AFP: variants seen among roughly 807,000 people sequenced by gnomAD.
AFP encodes alpha-fetoprotein.
AFP carries 64 observed loss-of-function variants against 78.9 expected under a neutral mutation model. That is an observed-to-expected ratio of 0.81 (90% CI 0.66 to 1.00). The LOEUF is 1.00. Ranked by LOEUF, AFP falls within the 50% of genes least tolerant of loss-of-function variation. The pLI is 0.00. For synonymous variants in AFP, 254 were observed against 243.8 expected (o/e 1.04, Z -0.39); for missense variants, 689 against 703.8 (o/e 0.98, Z 0.24).
chr4:73,436,493 A>G lies in AFP; in HGVS notation c.85+146A>G, dbSNP rs968536862. The G allele has an allele frequency of 7.0e-6, 4 of 569,452 alleles. No homozygotes were observed. In the African/African-American group the frequency reaches 7.6e-5, roughly 11 times the overall value. 35.3% of individuals were successfully genotyped at this position (569,452 alleles called of 1,614,324 possible). A position where few individuals can be genotyped will look rare whatever the true frequency, so the allele number is the denominator to read the frequency against. ...TTTAACTGATGGATATATTTAAATG[A>G]AAGATAAACTTGTAACTTTACAAGA... On this transcript the variant is annotated intron_variant, in intron 1 of 14. Coordinates refer to ENST00000395792, the MANE Select transcript of AFP (RefSeq NM_001134.3).
chr4:73,455,398 G>A (rs1720128564), intron 14 of AFP, 108 bp downstream of exon 14: 1 of 958,412 alleles, frequency 1.0e-6, no homozygotes, highest in Non-Finnish European at 1.6e-6. Flanking sequence ...AAAAATACAT[G>A]GAATTCAAAA....
At chr4:73,440,542 CTT>C in intron 3 of AFP, 58 bp from the exon 4 acceptor site, 2 of 1,354,670 alleles carry the variant, frequency 1.5e-6, no homozygotes, top group South Asian at 2.4e-5. Flanking sequence ...TTTCATGTGT[CTT>C]ATAGATTTTT....
Position 73,450,700 on chromosome 4 carries a change from G to A in AFP, c.1375G>A (p.Ala459Thr). ...AITRKMAATAATCCQLSEDKL... is the reference protein window; with the variant it reads ...AITRKMAATATTCCQLSEDKL... ...CACCAGAAAAATGGCAGCCACAGCA[G>A]CCACTTGTTGCCAACTCAGTGAGGA... Residue 459 changes from alanine (A) to threonine (T), a missense_variant, in exon 11 of 15, where the codon GCC becomes ACC. Coordinates refer to ENST00000395792, the MANE Select transcript of AFP (RefSeq NM_001134.3). 1 of 1,614,200 alleles carries A rather than the reference G, an allele frequency of 6.2e-7. No individual in the cohort carries two copies. The highest frequency in any genetic ancestry group is 2.2e-5 in the East Asian group (1 of 44,886).
In AFP at chr4:73,452,476, ACTT is replaced by A; in HGVS notation, c.1509_1511del (p.Ser504del). 3 of 1,614,060 alleles carry A rather than the reference ACTT, an allele frequency of 1.9e-6. No individual in the cohort carries two copies. Among genetic ancestry groups the A allele is most frequent in the Non-Finnish European group, 1.7e-6 (2 of 1,179,974 alleles). The stretch of plus-strand genomic sequence containing the variant: ...AAACCCTGGTGTTGGCCAGTGCTGC[ACTT>A]CTTCATATGCCAACAGGAGGCCATG... On this transcript the variant is annotated inframe_deletion, in exon 12 of 15. Coordinates refer to ENST00000395792, the MANE Select transcript of AFP (RefSeq NM_001134.3).
At position 73,450,708 on chromosome 4, in the gene AFP, T is replaced by C; in HGVS notation, c.1383T>C (p.Cys461=). The change falls in exon 11 of 15, where the codon TGT becomes TGC. Residue 461 remains cysteine, a synonymous_variant. Coordinates refer to ENST00000395792, the MANE Select transcript of AFP (RefSeq NM_001134.3). ...TRKMAATAAT[C]CQLSEDKLLA... ...AAATGGCAGCCACAGCAGCCACTTG[T>C]TGCCAACTCAGTGAGGACAAACTAT... The C allele has an allele frequency of 3.1e-6, 5 of 1,614,208 alleles. No homozygotes were observed. The highest frequency in any genetic ancestry group is 4.2e-6 in the Non-Finnish European group (5 of 1,180,010).
rs750349677 is a variant in AFP at position 73,455,224 on chromosome 4, CTTAA to C, written c.1786-9_1786-6del. ...ATTTCTTTATCTGATTATGTTTATT[CTTAA>C]TTTTCAGGGACAAAAACTGATTTCA... is the stretch of plus-strand genomic sequence containing the variant. On this transcript the variant is annotated splice_polypyrimidine_tract_variant and splice_region_variant and intron_variant, in intron 13 of 14. Transcript: ENST00000395792. 3.7e-6 allele frequency: 6 copies of C among 1,603,008 alleles called. No individual in the cohort carries two copies. In the African/African-American group the frequency reaches 8.0e-5, roughly 21 times the overall value.
chr4:73,437,130 A>T (rs1409554841), intron 1 of AFP, 30 bp from the exon 2 acceptor site: 6 of 1,568,134 alleles, frequency 3.8e-6, no homozygotes, highest in Non-Finnish European at 5.3e-6. Context: ...AGTTGAAAAC[A>T]CGTTTCATGA....
chr4:73,444,852 CAT>C lies in AFP; in HGVS notation c.714-140_714-139del, dbSNP rs984705819. On this transcript the variant is annotated intron_variant, in intron 6 of 14. Coordinates refer to ENST00000395792, the MANE Select transcript of AFP (RefSeq NM_001134.3). Reference sequence around the variant, plus strand: ...ATATGGCTGGAATCAAGCCTTAAAACATGTTTCCTTTTCTTTTTAAACAACAA... The same window carrying C: ...ATATGGCTGGAATCAAGCCTTAAAACGTTTCCTTTTCTTTTTAAACAACAA... 1.1e-5 allele frequency: 8 copies of C among 756,414 alleles called. No homozygotes were observed. In the African/African-American group the frequency reaches 1.1e-4, roughly 10 times the overall value. The allele number at this position is 756,414 out of a possible 1,614,324, so 46.9% of individuals were successfully genotyped here.
chr4:73,444,208 A>G (rs1460749168), intron 6 of AFP, among the ~76,000 whole-genome samples: 1 of 152,118 alleles, frequency 6.6e-6, no homozygotes, highest in Non-Finnish European at 1.5e-5. Flanking sequence ...TGCCTTAACT[A>G]CCCTCCAACT....
At chr4:73,448,712 G>C (rs961055278) in intron 8 of AFP, among the ~76,000 whole-genome samples, 6 of 152,078 alleles carry the variant, frequency 3.9e-5, no homozygotes, top group African/African-American at 1.4e-4. Context: ...AGTTGCAAAG[G>C]TTCTTTGCAG....
intron 6 of AFP, among the ~76,000 whole-genome samples, chr4:73,444,671 A>C (rs1203552246): frequency 1.3e-5 from 2 of 152,272 alleles, no homozygotes; most frequent in Non-Finnish European, 2.9e-5. Context: ...TTATCCTTTT[A>C]AAGTTTTATG....
At chr4:73,445,164 T>C in intron 7 of AFP, 42 bp downstream of exon 7, 1 of 1,608,082 alleles carries the variant, frequency 6.2e-7, no homozygotes, top group Non-Finnish European at 8.5e-7. Flanking sequence ...TTTCACTCCC[T>C]TTTCTTTCTT....
In AFP at chr4:73,437,308, C is replaced by T. The variant is rs985354267; in HGVS notation, c.137+97C>T. Reference sequence around the variant, plus strand: ...GTACCCCTGTGAGCTCTTAAAAGCACAAAAGCAATTTGGACAATTTCAAGA... The same window carrying T: ...GTACCCCTGTGAGCTCTTAAAAGCATAAAAGCAATTTGGACAATTTCAAGA... On this transcript the variant is annotated intron_variant, in intron 2 of 14. Coordinates refer to ENST00000395792, the MANE Select transcript of AFP (RefSeq NM_001134.3). The T allele has an allele frequency of 4.2e-6, 4 of 954,958 alleles. No individual in the cohort carries two copies. In the African/African-American group the frequency reaches 6.5e-5, roughly 16 times the overall value. 59.2% of individuals were successfully genotyped at this position (954,958 alleles called of 1,614,324 possible). A position where few individuals can be genotyped will look rare whatever the true frequency, so the allele number is the denominator to read the frequency against.
intron 2 of AFP, 76 bp downstream of exon 2, chr4:73,437,287 C>G: frequency 8.2e-7 from 1 of 1,218,768 alleles, no homozygotes; most frequent in Non-Finnish European, 1.2e-6. Context: ...AATTGGGTAC[C>G]CCTGTGAGCT....
At position 73,455,219 on chromosome 4, in the gene AFP, T is replaced by C. The variant is rs952923805; in HGVS notation, c.1786-17T>C. Reference sequence around the variant, plus strand: ...AATCCATTTCTTTATCTGATTATGTTTATTCTTAATTTTCAGGGACAAAAA... The same window carrying C: ...AATCCATTTCTTTATCTGATTATGTCTATTCTTAATTTTCAGGGACAAAAA... On this transcript the variant is annotated splice_polypyrimidine_tract_variant and intron_variant, in intron 13 of 14. Coordinates refer to ENST00000395792, the MANE Select transcript of AFP (RefSeq NM_001134.3). 2 of 1,596,376 alleles carry C rather than the reference T, an allele frequency of 1.3e-6. No homozygotes were observed. Among genetic ancestry groups the C allele is most frequent in the Non-Finnish European group, 1.7e-6 (2 of 1,164,332 alleles).
chr4:73,453,393 G>A (rs569136205), intron 12 of AFP: 2 of 264,422 alleles, frequency 7.6e-6, no homozygotes, highest in Admixed American at 9.6e-5. Context: ...CAGATAAGGG[G>A]TGTGATAACT....
intron 11 of AFP, 151 bp downstream of exon 11, chr4:73,450,904 A>T: frequency 7.6e-7 from 1 of 1,310,016 alleles, no homozygotes; most frequent in Non-Finnish European, 1.1e-6. Flanking sequence ...GGGGTGTGAG[A>T]ACCCAGCTCT....
chr4:73,449,408 C>T lies in AFP; in HGVS notation c.1132C>T (p.Gln378Ter), dbSNP rs764510228. Reference protein sequence around the residue: ...SVILRVAKGYQELLEKCFQTE... With the variant: ...SVILRVAKGY ...AATTCTAAGAGTTGCTAAAGGATAC[C>T]AGGAGTTATTGGAGAAGTGTTTCCA... is the stretch of plus-strand genomic sequence containing the variant. The change falls in exon 9 of 15, where the codon CAG (glutamine) becomes TAG (stop). Residue 378 changes from glutamine to a stop codon, truncating the protein, a stop_gained. Transcript: ENST00000395792. LOFTEE classifies it high-confidence loss of function. The T allele has an allele frequency of 6.2e-7, 1 of 1,613,432 alleles. No individual in the cohort carries two copies. Among genetic ancestry groups the T allele is most frequent in the Non-Finnish European group, 8.5e-7 (1 of 1,179,580 alleles).
rs531390075 is a variant in AFP at position 73,447,381 on chromosome 4, T to C, written c.844-81T>C. On this transcript the variant is annotated intron_variant, in intron 7 of 14. Coordinates refer to ENST00000395792, the MANE Select transcript of AFP (RefSeq NM_001134.3). The stretch of plus-strand genomic sequence containing the variant: ...TTCCCTTCTCCCTCCCTCCCCTTTC[T>C]TCCTTTTTCTAAAGCTGGCTTTGAG... 21 of 1,086,224 alleles carry C rather than the reference T, an allele frequency of 1.9e-5. No homozygotes were observed. In the South Asian group the frequency reaches 3.4e-4, roughly 17 times the overall value. 67.3% of individuals were successfully genotyped at this position (1,086,224 alleles called of 1,614,324 possible). A position where few individuals can be genotyped will look rare whatever the true frequency, so the allele number is the denominator to read the frequency against.
Sources: allele counts gnomAD v4.1 joint callset (sites outside exome capture counted in the v4.1 genomes callset), GRCh38; gene constraint gnomAD v4.1.1; transcripts MANE v1.5; gene names NCBI Gene and HGNC (gene_info 2026-07-23, HGNC 2026-07-21).